PHLPP1: variants seen among roughly 807,000 people sequenced by gnomAD.
PHLPP1 encodes PH domain leucine-rich repeat-containing protein phosphatase 1.
In PHLPP1, 42 loss-of-function variants were observed where a neutral mutation model predicts 117.2. The observed-to-expected ratio is 0.36, with a 90% CI of 0.28 to 0.46. The LOEUF (loss-of-function observed/expected upper bound fraction) is 0.46. Ranked by LOEUF, PHLPP1 falls within the 20% of genes least tolerant of loss-of-function variation. PHLPP1 has a pLI of 1.00. For missense variants in PHLPP1, 2,084 were observed against 2,241.9 expected (o/e 0.93, Z 1.42); for synonymous variants, 1,042 against 970.7 (o/e 1.07, Z -1.37).
chr18:62,822,531 G>A (rs1358906642), intron 1 of PHLPP1, among the ~76,000 whole-genome samples: 2 of 151,722 alleles, frequency 1.3e-5, no homozygotes, highest in African/African-American at 2.4e-5. Flanking sequence ...TGATCCGCCC[G>A]CCTCGGACTC....
rs1266013231 is a variant in PHLPP1 at position 62,860,423 on chromosome 18, AT to A, written c.1900-11del. On this transcript the variant is annotated splice_polypyrimidine_tract_variant and intron_variant, in intron 3 of 16. Coordinates refer to ENST00000262719, the MANE Select transcript of PHLPP1 (RefSeq NM_194449.4). The stretch of plus-strand genomic sequence containing the variant: ...GTGGATGGTATTAAAATTAAGTTTT[AT>A]CCCCCTTTAGGTTGCATCCCAGCGC... The A allele has an allele frequency of 1.9e-6, 3 of 1,612,006 alleles. No homozygotes were observed. Among genetic ancestry groups the A allele is most frequent in the Non-Finnish European group, 2.5e-6 (3 of 1,178,662 alleles).
At chr18:62,760,508 G>T (rs1912184639) in intron 1 of PHLPP1, among the ~76,000 whole-genome samples, 1 of 152,200 alleles carries the variant, frequency 6.6e-6, no homozygotes, top group Non-Finnish European at 1.5e-5. Flanking sequence ...CAGCCAGGTA[G>T]AATTGGGTTT....
At chr18:62,726,820 G>A (rs111801094) in intron 1 of PHLPP1, among the ~76,000 whole-genome samples, 2,631 of 151,690 alleles carry the variant, frequency 0.017, 76 homozygotes, top group African/African-American at 0.06. Context: ...CTGAGCTCAG[G>A]TGATCCATCT....
rs1178567736 is a variant in PHLPP1 at position 62,959,881 on chromosome 18, C to T, written c.3455+1122C>T. 1.3e-5 allele frequency among the ~76,000 whole-genome samples: 2 copies of T among 152,068 alleles called. 1 individual carries two copies. The highest frequency in any genetic ancestry group is 6.3e-3 in the Middle Eastern group (2 of 316). ...TTTGATACATAGTTGAAAAACACTGCCTGAGTGTCCTGAGGAAGGCGTAGA... is the reference window on the plus strand; with the variant it reads ...TTTGATACATAGTTGAAAAACACTGTCTGAGTGTCCTGAGGAAGGCGTAGA... On this transcript the variant is annotated intron_variant, in intron 13 of 16. Coordinates refer to ENST00000262719, the MANE Select transcript of PHLPP1 (RefSeq NM_194449.4).
intron 1 of PHLPP1, chr18:62,731,190 T>G (rs952870182): frequency 1.3e-5 from 2 of 152,182 alleles, no homozygotes; most frequent in African/African-American, 2.4e-5. Context: ...AGTCTTGCAA[T>G]ATTTCAAAAC....
chr18:62,970,539 C>T (rs373241591), intron 14 of PHLPP1, among the ~76,000 whole-genome samples: 1 of 152,006 alleles, frequency 6.6e-6, no homozygotes, highest in Non-Finnish European at 1.5e-5. Context: ...CCGAGGCGGG[C>T]GGATCGCTCG....
At chr18:62,726,892 A>T (rs1217265814) in intron 1 of PHLPP1, among the ~76,000 whole-genome samples, 2 of 151,448 alleles carry the variant, frequency 1.3e-5, no homozygotes, top group Admixed American at 6.6e-5. Flanking sequence ...CCAGTATTTT[A>T]TAGTTTTCTA....
intron 4 of PHLPP1, among the ~76,000 whole-genome samples, chr18:62,879,946 T>G (rs1916137462): frequency 6.6e-6 from 1 of 152,146 alleles, no homozygotes; most frequent in African/African-American, 2.4e-5. Flanking sequence ...AGTTTTCACT[T>G]TTGTAAACAC....
intron 1 of PHLPP1, among the ~76,000 whole-genome samples, chr18:62,720,617 A>AT (rs1452545515): frequency 1.3e-5 from 2 of 152,194 alleles, no homozygotes; most frequent in African/African-American, 4.8e-5. Context: ...TTATTACTAT[A>AT]ATTACAGCAG....
At chr18:62,789,473 G>T (rs1913394073) in intron 1 of PHLPP1, among the ~76,000 whole-genome samples, 1 of 152,106 alleles carries the variant, frequency 6.6e-6, no homozygotes, top group African/African-American at 2.4e-5. Context: ...CATCTGAATT[G>T]TTCCCAGAAT....
At chr18:62,873,511 C>T (rs535066614) in intron 4 of PHLPP1, among the ~76,000 whole-genome samples, 354 of 152,266 alleles carry the variant, frequency 2.3e-3, no homozygotes, top group African/African-American at 7.5e-3. Context: ...TGGTGGTTAT[C>T]GCTTCCATTA....
intron 1 of PHLPP1, among the ~76,000 whole-genome samples, chr18:62,771,689 G>A (rs1912784318): frequency 6.6e-6 from 1 of 152,158 alleles, no homozygotes; most frequent in Admixed American, 6.5e-5. Flanking sequence ...TCTGCTGGTT[G>A]GCTTCTAAAA....
chr18:62,898,015 C>CTTCTCCTCTTTCTCCTCTTTCTCCACT (rs3084217), intron 6 of PHLPP1, among the ~76,000 whole-genome samples: 1 of 144,406 alleles, frequency 6.9e-6, no homozygotes, highest in Non-Finnish European at 1.5e-5. Flanking sequence ...TTCCTCCTCC[C>CTTCTCCTCTTTCTCCTCTTTCTCCACT]TTCTCCTCTT....
intron 1 of PHLPP1, among the ~76,000 whole-genome samples, chr18:62,781,323 T>A (rs1913113477): frequency 1.3e-5 from 2 of 152,332 alleles, no homozygotes; most frequent in South Asian, 4.1e-4. Flanking sequence ...TTTCTCTCCA[T>A]TTCATGTCTT....
At chr18:62,726,478 A>T (rs1487571416) in intron 1 of PHLPP1, among the ~76,000 whole-genome samples, 4 of 151,430 alleles carry the variant, frequency 2.6e-5, no homozygotes, top group African/African-American at 9.7e-5. Flanking sequence ...GGTCTGTGTC[A>T]TGCTTAGGAA....
intron 3 of PHLPP1, among the ~76,000 whole-genome samples, chr18:62,847,891 G>A (rs547226388): frequency 3.3e-4 from 50 of 152,202 alleles, no homozygotes; most frequent in African/African-American, 1.1e-3. Flanking sequence ...TCATTGACCC[G>A]AATTTTTCTA....
In PHLPP1 at chr18:62,835,017, C is replaced by T. The variant is rs180858761; in HGVS notation, c.1774-3767C>T. ...GTATTGATCTTGAGTATTGATTTATCGTCTTGCTAAATGTTCTGGTTTATT... is the reference window on the plus strand; with the variant it reads ...GTATTGATCTTGAGTATTGATTTATTGTCTTGCTAAATGTTCTGGTTTATT... On this transcript the variant is annotated intron_variant, in intron 2 of 16. Coordinates refer to ENST00000262719, the MANE Select transcript of PHLPP1 (RefSeq NM_194449.4). 2.0e-5 allele frequency among the ~76,000 whole-genome samples: 3 copies of T among 152,130 alleles called. No individual in the cohort carries two copies. The East Asian group carries it at 5.8e-4, about 29-fold the overall frequency.
At chr18:62,825,977 T>G (rs1412126427) in intron 1 of PHLPP1, among the ~76,000 whole-genome samples, 1 of 152,178 alleles carries the variant, frequency 6.6e-6, no homozygotes, top group African/African-American at 2.4e-5. Context: ...AAGAATAAAT[T>G]CGGCTATAGG....
intron 9 of PHLPP1, among the ~76,000 whole-genome samples, chr18:62,915,233 G>T (rs1205085624): frequency 2.0e-5 from 3 of 152,202 alleles, no homozygotes; most frequent in South Asian, 4.1e-4. Context: ...TCAAAACCAT[G>T]CAGGCAGTGG....
Sources: gnomAD v4.1 joint callset for allele counts (sites outside exome capture counted in the v4.1 genomes callset) on GRCh38, gnomAD v4.1.1 for gene constraint, MANE v1.5 for transcripts, NCBI Gene and HGNC (gene_info 2026-07-23, HGNC 2026-07-21) for gene names.